Variants in GALNTL6 observed in about 807,000 individuals in gnomAD.
GALNTL6 encodes polypeptide N-acetylgalactosaminyltransferase-like 6.
In GALNTL6, 46 loss-of-function variants were observed where a neutral mutation model predicts 73.7. The observed-to-expected ratio is 0.62, with a 90% CI of 0.49 to 0.80. The LOEUF is 0.80. Among genes scored for constraint, GALNTL6 ranks in the 30% least tolerant of loss-of-function variants. GALNTL6 has a pLI of 0.00. For synonymous variants in GALNTL6, 259 were observed against 263.7 expected, an observed-to-expected ratio of 0.98 and a Z score of 0.17; for missense variants, 604 against 755.0, an observed-to-expected ratio of 0.80 and a Z score of 2.34.
chr4:171,988,757 G>C (rs184006524), intron 2 of GALNTL6, among the ~76,000 whole-genome samples: 2 of 152,144 alleles, frequency 1.3e-5, no homozygotes, highest in East Asian at 3.9e-4. Flanking sequence ...TTTTCAAAGC[G>C]TGCAGTGGGA....
chr4:172,742,620 C>T lies in GALNTL6; in HGVS notation c.554-66741C>T, dbSNP rs1247015519. On this transcript the variant is annotated intron_variant, in intron 5 of 12. Coordinates refer to ENST00000506823, the MANE Select transcript of GALNTL6 (RefSeq NM_001034845.3). ...ATGAGAAGGGCCGCTACCATGAAAA[C>T]ACCTTATTTTCAGAACCCATGTATT... Among the ~76,000 whole-genome samples, 3 of 151,988 alleles carry T rather than the reference C, an allele frequency of 2.0e-5. No individual in the cohort carries two copies. In the East Asian group the frequency reaches 5.8e-4, roughly 29 times the overall value.
At chr4:172,555,450 A>G (rs1309021711) in intron 5 of GALNTL6, among the ~76,000 whole-genome samples, 1 of 152,118 alleles carries the variant, frequency 6.6e-6, no homozygotes, top group African/African-American at 2.4e-5. Context: ...TCTCAATTCT[A>G]CAAATGAAGT....
intron 5 of GALNTL6, among the ~76,000 whole-genome samples, chr4:172,790,179 C>G (rs999754123): frequency 6.6e-6 from 1 of 152,104 alleles, no homozygotes; most frequent in African/African-American, 2.4e-5. Context: ...TTCTGAGGGC[C>G]CAGCTGAGGC....
chr4:172,736,521 A>G (rs774071608), intron 5 of GALNTL6, among the ~76,000 whole-genome samples: 3 of 152,174 alleles, frequency 2.0e-5, no homozygotes, highest in Non-Finnish European at 2.9e-5. Flanking sequence ...CTTTACAAAC[A>G]ATTTGTGCAG....
At chr4:172,189,840 T>G (rs992481018) in intron 2 of GALNTL6, among the ~76,000 whole-genome samples, 1 of 152,090 alleles carries the variant, frequency 6.6e-6, no homozygotes, top group African/African-American at 2.4e-5. Context: ...ATAATAATAA[T>G]AATAATACCT....
At chr4:172,144,500 A>T (rs539024705) in intron 2 of GALNTL6, among the ~76,000 whole-genome samples, 1 of 152,318 alleles carries the variant, frequency 6.6e-6, no homozygotes, top group South Asian at 2.1e-4. Context: ...CCAGTCTGAT[A>T]TAGTTACATG....
At chr4:172,138,515 T>A (rs868622403) in intron 2 of GALNTL6, among the ~76,000 whole-genome samples, 588 of 6,060 alleles carry the variant, frequency 0.097, 1 homozygote, top group East Asian at 0.22. Flanking sequence ...ATATATATAT[T>A]TTTTTTTTTT....
chr4:172,270,654 G>T (rs557274827), intron 3 of GALNTL6, among the ~76,000 whole-genome samples: 22 of 152,196 alleles, frequency 1.4e-4, no homozygotes, highest in African/African-American at 5.3e-4. Context: ...CTCATATGGT[G>T]CTTGGAATCC....
chr4:172,818,767 T>G (rs1741752120), intron 7 of GALNTL6, among the ~76,000 whole-genome samples: 1 of 152,066 alleles, frequency 6.6e-6, no homozygotes, highest in African/African-American at 2.4e-5. Context: ...CCTGGCTAAT[T>G]TTTGGATTTT....
At chr4:172,881,543 A>T (rs1220834198) in intron 7 of GALNTL6, among the ~76,000 whole-genome samples, 1 of 152,156 alleles carries the variant, frequency 6.6e-6, no homozygotes, top group African/African-American at 2.4e-5. Context: ...ACTTAGACAG[A>T]TTCAGGTTTA....
At chr4:172,939,400 A>C (rs561143108) in intron 9 of GALNTL6, among the ~76,000 whole-genome samples, 17 of 152,352 alleles carry the variant, frequency 1.1e-4, no homozygotes, top group Non-Finnish European at 1.9e-4. Flanking sequence ...ATTATTCTCT[A>C]TGATTGATAT....
intron 5 of GALNTL6, among the ~76,000 whole-genome samples, chr4:172,744,836 C>CGT (rs1393476051): frequency 1.3e-5 from 1 of 78,772 alleles, no homozygotes; most frequent in South Asian, 5.7e-4. Context: ...TAAGAGTGCG[C>CGT]GTGCGTGTGT....
At chr4:171,922,759 AT>A (rs1425833682) in intron 2 of GALNTL6, among the ~76,000 whole-genome samples, 1 of 152,100 alleles carries the variant, frequency 6.6e-6, no homozygotes, top group African/African-American at 2.4e-5. Flanking sequence ...TAACTTTAGT[AT>A]TTATTTTCCT....
intron 5 of GALNTL6, among the ~76,000 whole-genome samples, chr4:172,355,715 A>T (rs146932591): frequency 2.0e-5 from 3 of 152,238 alleles, no homozygotes; most frequent in African/African-American, 7.2e-5. Context: ...TCCTATGAGT[A>T]GCTTTTACAT....
chr4:172,426,427 G>A (rs1394997576), intron 5 of GALNTL6, among the ~76,000 whole-genome samples: 1 of 152,034 alleles, frequency 6.6e-6, no homozygotes, highest in Non-Finnish European at 1.5e-5. Context: ...GGACTATAAT[G>A]GCAACCACAT....
At chr4:172,930,720 TC>T (rs1323351362) in intron 8 of GALNTL6, among the ~76,000 whole-genome samples, 2 of 152,150 alleles carry the variant, frequency 1.3e-5, no homozygotes, top group Non-Finnish European at 2.9e-5. Context: ...CTCGCTCTGT[TC>T]CCCAGGCTGA....
chr4:172,234,687 T>C (rs1227439093), intron 3 of GALNTL6, among the ~76,000 whole-genome samples: 1 of 152,176 alleles, frequency 6.6e-6, no homozygotes, highest in Admixed American at 6.5e-5. Flanking sequence ...AATAGCTACA[T>C]TTGATTTGTT....
intron 2 of GALNTL6, among the ~76,000 whole-genome samples, chr4:171,886,329 AT>A (rs1462927416): frequency 1.3e-5 from 2 of 152,214 alleles, no homozygotes; most frequent in African/African-American, 4.8e-5. Context: ...TAATTGAATC[AT>A]AATGACAAAA....
intron 5 of GALNTL6, among the ~76,000 whole-genome samples, chr4:172,457,291 G>A (rs1732433670): frequency 6.6e-6 from 1 of 150,734 alleles, no homozygotes; most frequent in Non-Finnish European, 1.5e-5. Context: ...ACACCATGAA[G>A]AAACTGCATC....
Sources: allele counts gnomAD v4.1 joint callset (sites outside exome capture counted in the v4.1 genomes callset), GRCh38; gene constraint gnomAD v4.1.1; transcripts MANE v1.5; gene names NCBI Gene and HGNC (gene_info 2026-07-23, HGNC 2026-07-21).